The following CACNA1B variants were observed in gnomAD, a reference collection of about 807,000 sequenced individuals.
CACNA1B encodes voltage-dependent N-type calcium channel subunit alpha-1B.
A neutral mutation model predicts 247.2 loss-of-function variants in CACNA1B; 70 were observed. That is an observed-to-expected ratio of 0.28 (90% CI 0.23 to 0.35). The LOEUF (loss-of-function observed/expected upper bound fraction) is 0.35. Ranked by LOEUF, CACNA1B falls within the 10% of genes least tolerant of loss-of-function variation. The probability of loss-of-function intolerance (pLI) is 1.00; values close to 1 mark genes in which losing one functional copy is unlikely to be tolerated. For synonymous variants in CACNA1B, 1,231 were observed against 1,294.4 expected, an observed-to-expected ratio of 0.95 and a Z score of 1.05; for missense variants, 2,367 against 3,197.4, an observed-to-expected ratio of 0.74 and a Z score of 6.26.
chr9:138,102,247 T>C lies in CACNA1B; in HGVS notation c.5223-464T>C, dbSNP rs1961277002. 6.6e-6 allele frequency among the ~76,000 whole-genome samples: 1 copy of C among 152,226 alleles called. No homozygotes were observed. The highest frequency in any genetic ancestry group is 6.5e-5 in the Admixed American group (1 of 15,288). ...CAAATCTGACCGTGAGGAAAGCTGA[T>C]GTCTCTGCCGTGGTTCTCAGCCACT... is the stretch of plus-strand genomic sequence containing the variant. On this transcript the variant is annotated intron_variant, in intron 37 of 46. Transcript: ENST00000371372. This position sits in a 1 kb window ranked among gnomAD's most constrained non-coding sequence, Gnocchi z 5.4.
intron 12 of CACNA1B, among the ~76,000 whole-genome samples, chr9:137,981,111 C>T (rs1958288747): frequency 6.6e-6 from 1 of 152,164 alleles, no homozygotes; most frequent in Non-Finnish European, 1.5e-5. Flanking sequence ...TTTACATTCC[C>T]ACCAACATCC....
chr9:138,086,007 T>C (rs1960682188), intron 36 of CACNA1B, among the ~76,000 whole-genome samples: 1 of 150,550 alleles, frequency 6.6e-6, no homozygotes, highest in Non-Finnish European at 1.5e-5. Context: ...GAGAAAATAA[T>C]CAAACCTTAC....
intron 7 of CACNA1B, among the ~76,000 whole-genome samples, chr9:137,953,122 C>T (rs1957898337): frequency 1.3e-5 from 2 of 152,132 alleles, no homozygotes; most frequent in South Asian, 4.1e-4. Flanking sequence ...GCACACAGCC[C>T]CTCCTGTCCC....
At chr9:138,117,913 C>G in intron 42 of CACNA1B, 33 bp from the exon 43 acceptor site, 5 of 1,527,014 alleles carry the variant, frequency 3.3e-6, no homozygotes, top group Non-Finnish European at 4.4e-6. Context: ...AGTCTCTGAC[C>G]CTACAGGAAT....
At chr9:137,975,728 G>A (rs556581069) in intron 11 of CACNA1B, among the ~76,000 whole-genome samples, 179 bp from the exon 12 acceptor site, 2 of 152,188 alleles carry the variant, frequency 1.3e-5, no homozygotes, top group South Asian at 4.1e-4. Flanking sequence ...GTACCTCTCC[G>A]TGTCCCTCTG....
chr9:138,104,206 C>T (rs1961347913), intron 38 of CACNA1B, among the ~76,000 whole-genome samples: 1 of 152,246 alleles, frequency 6.6e-6, no homozygotes, highest in African/African-American at 2.4e-5. Context: ...AGGGCAGAGA[C>T]ACCTGTTTGT....
chr9:138,115,722 C>A, intron 42 of CACNA1B, 43 bp downstream of exon 42: 1 of 1,573,498 alleles, frequency 6.4e-7, no homozygotes, highest in Non-Finnish European at 8.7e-7. Context: ...GGAGGAGGTC[C>A]AAAGACAGTA....
Position 137,955,931 on chromosome 9 carries a change from T to C in CACNA1B, c.1186+118T>C. 2.8e-6 allele frequency: 2 copies of C among 716,082 alleles called. No individual in the cohort carries two copies. The highest frequency in any genetic ancestry group is 3.1e-5 in the South Asian group (2 of 65,082). 44.4% of individuals were successfully genotyped at this position (716,082 alleles called of 1,614,324 possible). A position where few individuals can be genotyped will look rare whatever the true frequency, so the allele number is the denominator to read the frequency against. On this transcript the variant is annotated intron_variant, in intron 8 of 46. Transcript: ENST00000371372. The surrounding 1 kb of genome is among the most constrained non-coding windows in gnomAD (Gnocchi z 6.9). ...TGCTGGGTAGAGCCTGAAGGGATTTTGTAGTGAGCAGAGTGAGAAGGGATT... is the reference window on the plus strand; with the variant it reads ...TGCTGGGTAGAGCCTGAAGGGATTTCGTAGTGAGCAGAGTGAGAAGGGATT...
chr9:138,101,283 G>T (rs1342451899), intron 37 of CACNA1B: 5 of 471,352 alleles, frequency 1.1e-5, no homozygotes, highest in Non-Finnish European at 1.7e-5. Flanking sequence ...GTTTGGGAAT[G>T]ACGACGCCTC....
rs996728285 is a variant in CACNA1B, at chr9:138,105,839, G to T, written c.5428+32G>T. 4.1e-6 allele frequency: 5 copies of T among 1,219,258 alleles called. No homozygotes were observed. The African/African-American group carries it at 7.5e-5, about 18-fold the overall frequency. 75.5% of individuals were successfully genotyped at this position (1,219,258 alleles called of 1,614,324 possible). ...AAGGCAGCCTCGGAAGGAGGGCCCT[G>T]GACCCAGGGATGTGCACCTCCGCCC... On this transcript the variant is annotated intron_variant, in intron 39 of 46. Transcript: ENST00000371372.
At chr9:138,101,507 C>T (rs889514791) in intron 37 of CACNA1B, among the ~76,000 whole-genome samples, 1 of 152,244 alleles carries the variant, frequency 6.6e-6, no homozygotes, top group Non-Finnish European at 1.5e-5. Flanking sequence ...GTTTTTCCTC[C>T]GAGCTCTCGA....
Position 137,915,623 on chromosome 9 carries a change from T to A in CACNA1B, c.775+817T>A, listed in dbSNP as rs190220693. ...CTAGAATTTAGATCGTTCGTGATTTTAAAAAAAAAACAAAAACCTTTAATC... is the reference window on the plus strand; with the variant it reads ...CTAGAATTTAGATCGTTCGTGATTTAAAAAAAAAAACAAAAACCTTTAATC... On this transcript the variant is annotated intron_variant, in intron 5 of 46. Coordinates refer to ENST00000371372, the MANE Select transcript of CACNA1B (RefSeq NM_000718.4). 7.5e-3 allele frequency among the ~76,000 whole-genome samples: 1,117 copies of A among 148,424 alleles called. 5 individuals are homozygous for A. The highest frequency in any genetic ancestry group is 0.014 in the Middle Eastern group (4 of 286).
At chr9:138,001,336 A>G (rs1366740871) in intron 15 of CACNA1B, among the ~76,000 whole-genome samples, 6 of 152,142 alleles carry the variant, frequency 3.9e-5, no homozygotes, top group Non-Finnish European at 8.8e-5. Flanking sequence ...GGTGATAGCT[A>G]ATGGGTATGA....
intron 3 of CACNA1B, among the ~76,000 whole-genome samples, chr9:137,892,932 C>G (rs1183158097): frequency 6.6e-6 from 1 of 152,242 alleles, no homozygotes; most frequent in Non-Finnish European, 1.5e-5. Context: ...CGTGGGCTCC[C>G]AGAGCCCGAC....
rs185856743 is a variant in CACNA1B at position 137,955,821 on chromosome 9, C to T, written c.1186+8C>T. 1.6e-4 allele frequency: 251 copies of T among 1,541,352 alleles called. 3 individuals are homozygous for T. Among genetic ancestry groups the T allele is most frequent in the South Asian group, 1.3e-3 (117 of 86,864 alleles). ...AGTGGATCTTCAAGGCGGGTGAGGG[C>T]CCGTGGGAGCCACTGCACTCCTGGC... On this transcript the variant is annotated splice_region_variant and intron_variant, in intron 8 of 46. Coordinates refer to ENST00000371372, the MANE Select transcript of CACNA1B (RefSeq NM_000718.4). The surrounding 1 kb of genome is among the most constrained non-coding windows in gnomAD (Gnocchi z 6.9).
intron 6 of CACNA1B, among the ~76,000 whole-genome samples, chr9:137,925,693 C>CTT (rs879360576): frequency 2.7e-5 from 4 of 145,608 alleles, no homozygotes. Context: ...TTTGGATCTG[C>CTT]TTTTTTTTTT....
At chr9:137,923,477 GTGGTGCCAGGTGGTATTCCC>G (rs1392544538) in intron 6 of CACNA1B, among the ~76,000 whole-genome samples, 28 of 149,774 alleles carry the variant, frequency 1.9e-4, no homozygotes, top group East Asian at 6.0e-4. Flanking sequence ...GTAGTATTCC[GTGGTGCCAGGTGGTATTCCC>G]TGGTGCCAGG....
chr9:138,021,804 T>G (rs886159511), intron 18 of CACNA1B, among the ~76,000 whole-genome samples: 12 of 152,216 alleles, frequency 7.9e-5, no homozygotes, highest in Non-Finnish European at 5.9e-5. Context: ...AAGTGGGCAC[T>G]GCGCCCAGAG....
intron 15 of CACNA1B, among the ~76,000 whole-genome samples, chr9:137,991,013 A>C (rs1266642519): frequency 6.6e-6 from 1 of 152,214 alleles, no homozygotes; most frequent in Non-Finnish European, 1.5e-5. Flanking sequence ...AATTCTGGTA[A>C]TATGACAAAA....
Sources: gnomAD v4.1 joint callset for allele counts (sites outside exome capture counted in the v4.1 genomes callset) on GRCh38, gnomAD v4.1.1 for gene constraint, Gnocchi (gnomAD v3.1) non-coding constraint, MANE v1.5 for transcripts, NCBI Gene and HGNC (gene_info 2026-07-23, HGNC 2026-07-21) for gene names.